Variants in PDCL2 observed in about 807,000 individuals in gnomAD.
PDCL2 encodes the protein phosducin like 2.
PDCL2 carries 23 observed loss-of-function variants against 30.3 expected under a neutral mutation model. The ratio of observed to expected loss-of-function variants is 0.76; its 90% CI spans 0.55 to 1.08. PDCL2 has a LOEUF of 1.08. PDCL2 is among the 50% of genes least tolerant of loss of function. The pLI, the probability that PDCL2 is intolerant of heterozygous loss-of-function variation, is 0.00. For synonymous variants in PDCL2, 68 were observed against 86.2 expected, an observed-to-expected ratio of 0.79 and a Z score of 1.17; for missense variants, 243 against 282.3, an observed-to-expected ratio of 0.86 and a Z score of 1.00.
At chr4:55,565,977 T>G (rs985292451) in intron 4 of PDCL2, among the ~76,000 whole-genome samples, 4 of 127,382 alleles carry the variant, frequency 3.1e-5, no homozygotes, top group East Asian at 2.2e-4. Flanking sequence ...TTTTCTGTTT[T>G]TTTTTTTTTT....
intron 4 of PDCL2, among the ~76,000 whole-genome samples, chr4:55,566,339 TTC>T (rs1001154635): frequency 1.1e-4 from 16 of 151,986 alleles, no homozygotes; most frequent in Middle Eastern, 6.8e-3. Flanking sequence ...CACAATTATT[TTC>T]TGTTATATTT....
intron 1 of PDCL2, among the ~76,000 whole-genome samples, chr4:55,589,258 T>A (rs950107854): frequency 6.6e-6 from 1 of 152,198 alleles, no homozygotes; most frequent in Non-Finnish European, 1.5e-5. Flanking sequence ...GCTTATTTCC[T>A]TGTGTGCTTG....
intron 5 of PDCL2, among the ~76,000 whole-genome samples, chr4:55,561,167 G>T (rs1732122884): frequency 6.6e-6 from 1 of 152,018 alleles, no homozygotes; most frequent in African/African-American, 2.4e-5. Flanking sequence ...AAAGGCCTTA[G>T]AAGATTAAAA....
intron 4 of PDCL2, among the ~76,000 whole-genome samples, chr4:55,564,731 G>A (rs4865014): frequency 0.75 from 114,614 of 152,140 alleles, 43,504 homozygotes; most frequent in East Asian, 0.9. Flanking sequence ...CTATCAATTT[G>A]ATGGCAAAGA....
chr4:55,582,352 T>G, intron 1 of PDCL2, 115 bp from the exon 2 acceptor site: 1 of 1,199,462 alleles, frequency 8.3e-7, no homozygotes, highest in Non-Finnish European at 1.1e-6. Flanking sequence ...AACTCTACAG[T>G]TAATTGGTTT....
At chr4:55,591,888 C>T (rs1461888339) in intron 1 of PDCL2, among the ~76,000 whole-genome samples, 1 of 152,178 alleles carries the variant, frequency 6.6e-6, no homozygotes, top group African/African-American at 2.4e-5. Context: ...TTTTCTCCAG[C>T]GACAGACACA....
At position 55,562,400 on chromosome 4, in the gene PDCL2, T is replaced by C; in HGVS notation, c.571+4A>G. 1 of 1,390,650 alleles carries C rather than the reference T, an allele frequency of 7.2e-7. No individual in the cohort carries two copies. Among genetic ancestry groups the C allele is most frequent in the African/African-American group, 1.5e-5 (1 of 67,242 alleles). 86.1% of individuals were successfully genotyped at this position (1,390,650 alleles called of 1,614,324 possible). On this transcript the variant is annotated splice_donor_region_variant and intron_variant, in intron 5 of 5. Coordinates refer to ENST00000295645, the MANE Select transcript of PDCL2 (RefSeq NM_152401.3). ...ATTTTTATAAACAAAATTTGTAACA[T>C]TACCTTCCAGCTTGAGATTTATCCC...
In PDCL2 at chr4:55,592,199, AGAGC is replaced by A; in HGVS notation, c.-94_-91del. 3 of 1,559,578 alleles carry A rather than the reference AGAGC, an allele frequency of 1.9e-6. No homozygotes were observed. Among genetic ancestry groups the A allele is most frequent in the Non-Finnish European group, 2.6e-6 (3 of 1,150,534 alleles). ...GACCCGCAGCCTTCTCCAGGCTGGA[AGAGC>A]GCCCGCTTCAGGCCCGGCGGTTTCG... On this transcript the variant is annotated 5_prime_UTR_variant, in exon 1 of 6. Transcript: ENST00000295645.
intron 1 of PDCL2, among the ~76,000 whole-genome samples, chr4:55,585,545 C>T (rs75583041): frequency 7.6e-6 from 1 of 131,222 alleles, no homozygotes; most frequent in Non-Finnish European, 1.7e-5. Context: ...CACACACAGA[C>T]ACACACACAC....
chr4:55,589,649 C>T (rs2412663), intron 1 of PDCL2, among the ~76,000 whole-genome samples: 2 of 152,134 alleles, frequency 1.3e-5, no homozygotes, highest in East Asian at 3.9e-4. Flanking sequence ...GGTTCCACCT[C>T]AAATAATTTT....
chr4:55,587,354 T>C (rs1732889844), intron 1 of PDCL2, among the ~76,000 whole-genome samples: 1 of 151,338 alleles, frequency 6.6e-6, no homozygotes, highest in South Asian at 2.1e-4. Context: ...CTCCTAATAC[T>C]ATCACATTGG....
intron 1 of PDCL2, 97 bp from the exon 2 acceptor site, chr4:55,582,334 T>G (rs1157087222): frequency 7.5e-7 from 1 of 1,328,782 alleles, no homozygotes. Context: ...AGTATTCAAT[T>G]GTTCATGAAC....
At chr4:55,580,942 T>C (rs201869212) in intron 2 of PDCL2, 31 bp from the exon 3 acceptor site, 50 of 1,541,082 alleles carry the variant, frequency 3.2e-5, no homozygotes, top group South Asian at 2.8e-4. Flanking sequence ...GATTATCAAA[T>C]TGTTTAAAAA....
intron 5 of PDCL2, among the ~76,000 whole-genome samples, 168 bp from the exon 6 acceptor site, chr4:55,556,879 G>A (rs1057379882): frequency 6.6e-6 from 1 of 151,954 alleles, no homozygotes; most frequent in African/African-American, 2.4e-5. Flanking sequence ...TGTCACCCAG[G>A]CTAGAGTGCA....
At chr4:55,581,770 C>T (rs1034784913) in intron 2 of PDCL2, among the ~76,000 whole-genome samples, 3 of 152,222 alleles carry the variant, frequency 2.0e-5, no homozygotes, top group Non-Finnish European at 4.4e-5. Flanking sequence ...GTGGCACGAT[C>T]TCAGCTCACT....
intron 5 of PDCL2, 77 bp downstream of exon 5, chr4:55,562,326 GA>G (rs2110153014): frequency 1.0e-6 from 1 of 993,680 alleles, no homozygotes; most frequent in African/African-American, 1.7e-5. Flanking sequence ...TGGTACTAAG[GA>G]AGTAAGCTTT....
chr4:55,586,484 G>A (rs1008795121), intron 1 of PDCL2, among the ~76,000 whole-genome samples: 5 of 152,232 alleles, frequency 3.3e-5, no homozygotes, highest in African/African-American at 1.2e-4. Flanking sequence ...TTCAAGGTTC[G>A]ACTATGTTGT....
At position 55,562,543 on chromosome 4, in the gene PDCL2, A is replaced by T. The variant is rs1732161988; in HGVS notation, c.432T>A (p.Phe144Leu). 6.2e-7 allele frequency: 1 copy of T among 1,606,008 alleles called. No homozygotes were observed. Among genetic ancestry groups the T allele is most frequent in the Admixed American group, 1.7e-5 (1 of 58,668 alleles). ...LLARKFPETK[F>L]VKAIVNSCIQ... is the part of the protein sequence containing the mutation. ...TACAGCTATTCACGATGGCTTTAAC[A>T]AATTTAGTTTCTGGAAACTTTCTTG... The change falls in exon 5 of 6, where the codon TTT becomes TTA. Residue 144 changes from phenylalanine (F) to leucine (L), a missense_variant. By Grantham distance (22) the Phe-to-Leu change is conservative. Coordinates refer to ENST00000295645, the MANE Select transcript of PDCL2 (RefSeq NM_152401.3).
intron 1 of PDCL2, among the ~76,000 whole-genome samples, chr4:55,591,535 C>T (rs544939153): frequency 1.4e-4 from 21 of 152,282 alleles, no homozygotes; most frequent in African/African-American, 3.4e-4. Flanking sequence ...TACAGGCGCA[C>T]GCCACCACGC....
Sources: allele counts gnomAD v4.1 joint callset (sites outside exome capture counted in the v4.1 genomes callset), GRCh38; gene constraint gnomAD v4.1.1; transcripts MANE v1.5; gene names NCBI Gene and HGNC (gene_info 2026-07-23, HGNC 2026-07-21).